EDARADD: variants seen among roughly 807,000 people sequenced by gnomAD.
The protein encoded by EDARADD is EDAR associated via death domain, also known as ectodysplasin-A receptor-associated adapter protein.
A neutral mutation model predicts 25.6 loss-of-function variants in EDARADD; 20 were observed. That is an observed-to-expected ratio of 0.78 (90% CI 0.55 to 1.14). The LOEUF is 1.14. Among genes scored for constraint, EDARADD ranks in the 50% most tolerant of loss-of-function variants. EDARADD has a pLI of 0.00. For synonymous variants in EDARADD, 86 were observed against 94.4 expected, an observed-to-expected ratio of 0.91 and a Z score of 0.52; for missense variants, 225 against 270.1, an observed-to-expected ratio of 0.83 and a Z score of 1.17.
intron 4 of EDARADD, among the ~76,000 whole-genome samples, chr1:236,454,605 A>C (rs1658805065): frequency 6.6e-6 from 1 of 152,156 alleles, no homozygotes; most frequent in Non-Finnish European, 1.5e-5. Context: ...CAGTTTGACA[A>C]CTTGGCATCT....
chr1:236,373,123 G>A (rs1667190620), intron 3 of EDARADD, among the ~76,000 whole-genome samples: 1 of 151,844 alleles, frequency 6.6e-6, no homozygotes, highest in African/African-American at 2.4e-5. Context: ...CACCATGTTA[G>A]CCAGCATGGT....
chr1:236,466,177 C>T (rs534576870), intron 4 of EDARADD, among the ~76,000 whole-genome samples: 1 of 152,130 alleles, frequency 6.6e-6, no homozygotes. Context: ...GTGAGCAGAA[C>T]GGTGACTGTG....
chr1:236,384,579 C>G (rs1374381761), intron 3 of EDARADD, among the ~76,000 whole-genome samples: 5 of 152,086 alleles, frequency 3.3e-5, no homozygotes, highest in Admixed American at 3.3e-4. Context: ...TTTGTAGAGA[C>G]AGGATCTTGT....
At chr1:236,389,570 A>C (rs1456431532), upstream of EDARADD, among the ~76,000 whole-genome samples, 5 of 152,334 alleles carry the variant, frequency 3.3e-5, no homozygotes, top group East Asian at 7.7e-4. Flanking sequence ...ACAAACAGAA[A>C]TCAAATCAGC....
intron 5 of EDARADD, among the ~76,000 whole-genome samples, chr1:236,470,901 C>A (rs1379902831): frequency 2.6e-5 from 4 of 152,190 alleles, no homozygotes; most frequent in African/African-American, 9.6e-5. Flanking sequence ...CACCACCACA[C>A]CCGGTTAATT....
chr1:236,450,490 A>G (rs1482859589), intron 4 of EDARADD, among the ~76,000 whole-genome samples: 1 of 152,034 alleles, frequency 6.6e-6, no homozygotes, highest in Non-Finnish European at 1.5e-5. Flanking sequence ...AATAATCATT[A>G]TTAATTAAAA....
At chr1:236,471,787 A>C (rs1008635076) in intron 5 of EDARADD, among the ~76,000 whole-genome samples, 2 of 152,166 alleles carry the variant, frequency 1.3e-5, no homozygotes, top group Admixed American at 1.3e-4. Flanking sequence ...ACTCTCCAAA[A>C]GCCAGAATGT....
At chr1:236,381,697 A>G (rs1667300820) in intron 3 of EDARADD, among the ~76,000 whole-genome samples, 1 of 150,782 alleles carries the variant, frequency 6.6e-6, no homozygotes, top group Non-Finnish European at 1.5e-5. Flanking sequence ...TTAAAAAAAT[A>G]GCTCCACTGC....
intron 3 of EDARADD, among the ~76,000 whole-genome samples, chr1:236,417,784 AC>A (rs1197767742): frequency 6.6e-6 from 1 of 152,128 alleles, no homozygotes; most frequent in Non-Finnish European, 1.5e-5. Context: ...TTTTTGAGCC[AC>A]TATTTGTAAT....
intron 1 of EDARADD, among the ~76,000 whole-genome samples, chr1:236,406,409 G>A (rs533589861): frequency 1.8e-4 from 28 of 152,284 alleles, no homozygotes; most frequent in Admixed American, 1.5e-3. Flanking sequence ...ACATGGTTTC[G>A]TAGTTGGTGA....
At chr1:236,367,554 G>A (rs1285000567) in intron 3 of EDARADD, among the ~76,000 whole-genome samples, 3 of 152,088 alleles carry the variant, frequency 2.0e-5, no homozygotes, top group Non-Finnish European at 2.9e-5. Context: ...TTGTAGAGAC[G>A]AGGTCTCACT....
At chr1:236,470,998 C>T (rs1659345086) in intron 5 of EDARADD, among the ~76,000 whole-genome samples, 1 of 152,220 alleles carries the variant, frequency 6.6e-6, no homozygotes, top group South Asian at 2.1e-4. Flanking sequence ...CTGCCTTGGC[C>T]TCCCAAAGTG....
intron 5 of EDARADD, among the ~76,000 whole-genome samples, chr1:236,473,042 A>G (rs1659399799): frequency 6.6e-6 from 1 of 151,956 alleles, no homozygotes; most frequent in Non-Finnish European, 1.5e-5. Flanking sequence ...ACTGTGTCAC[A>G]CTCCTCATTC....
chr1:236,472,617 C>T (rs1273625390), intron 5 of EDARADD, among the ~76,000 whole-genome samples: 2 of 152,312 alleles, frequency 1.3e-5, no homozygotes, highest in Middle Eastern at 3.4e-3. Context: ...CAACCTCTGC[C>T]TCCTGGGCTC....
chr1:236,397,999 C>T (rs573893112), intron 1 of EDARADD, among the ~76,000 whole-genome samples: 3 of 152,316 alleles, frequency 2.0e-5, no homozygotes, highest in African/African-American at 7.2e-5. Context: ...ACTCTCTCGC[C>T]TGATTTCCCA....
chr1:236,353,333 T>C (rs1235567913), intron 3 of EDARADD, among the ~76,000 whole-genome samples: 1 of 152,164 alleles, frequency 6.6e-6, no homozygotes, highest in African/African-American at 2.4e-5. Context: ...GTTTGTAGGA[T>C]TATTGGACAC....
intron 3 of EDARADD, among the ~76,000 whole-genome samples, chr1:236,351,975 C>T (rs932597511): frequency 3.9e-5 from 6 of 151,902 alleles, no homozygotes; most frequent in African/African-American, 9.7e-5. Context: ...ACTGTCATGG[C>T]GCTGGGGGGT....
At chr1:236,459,145 T>G (rs1658967106) in intron 4 of EDARADD, among the ~76,000 whole-genome samples, 1 of 152,090 alleles carries the variant, frequency 6.6e-6, no homozygotes, top group Non-Finnish European at 1.5e-5. Context: ...CATTCAGCCT[T>G]CCTTTTGCCC....
chr1:236,399,034 C>T (rs925706755), intron 1 of EDARADD, among the ~76,000 whole-genome samples: 3 of 152,062 alleles, frequency 2.0e-5, no homozygotes, highest in South Asian at 2.1e-4. Flanking sequence ...AAGCTCTTCC[C>T]GTATTGGCAT....
Sources: allele counts gnomAD v4.1 joint callset (sites outside exome capture counted in the v4.1 genomes callset), GRCh38; gene constraint gnomAD v4.1.1; transcripts MANE v1.5; gene names NCBI Gene and HGNC (gene_info 2026-07-23, HGNC 2026-07-21).